CDH12: variants seen among roughly 807,000 people sequenced by gnomAD.
CDH12 encodes cadherin 12.
In CDH12, 41 loss-of-function variants were observed where a neutral mutation model predicts 74.1. That is an observed-to-expected ratio of 0.55 (90% CI 0.43 to 0.72). The LOEUF is 0.72. Ranked by LOEUF, CDH12 falls within the 30% of genes least tolerant of loss-of-function variation. The pLI, the probability that CDH12 is intolerant of heterozygous loss-of-function variation, is 0.00. For synonymous variants in CDH12, 399 were observed against 355.0 expected (o/e 1.12, Z -1.39); for missense variants, 945 against 977.2 (o/e 0.97, Z 0.44).
Position 21,867,446 on chromosome 5 carries a change from C to T in CDH12, c.527-12656G>A, listed in dbSNP as rs541256750. On this transcript the variant is annotated intron_variant, in intron 6 of 14. Coordinates refer to ENST00000382254, the MANE Select transcript of CDH12 (RefSeq NM_004061.5). Reference sequence around the variant, plus strand: ...GAAATGCCTGGATGTCTAGCCAGGGCGGGGCTGCCAAACACCAGGGCGGGG... The same window carrying T: ...GAAATGCCTGGATGTCTAGCCAGGGTGGGGCTGCCAAACACCAGGGCGGGG... 4.6e-5 allele frequency among the ~76,000 whole-genome samples: 7 copies of T among 152,158 alleles called. No individual in the cohort carries two copies. The South Asian group carries it at 1.0e-3, about 23-fold the overall frequency.
intron 3 of CDH12, among the ~76,000 whole-genome samples, chr5:22,315,556 G>A (rs1738597236): frequency 6.6e-6 from 1 of 152,108 alleles, no homozygotes. Flanking sequence ...GTGCTTGTGA[G>A]GCATTTACTC....
At chr5:22,404,486 C>T (rs1409864606) in intron 3 of CDH12, among the ~76,000 whole-genome samples, 1 of 152,060 alleles carries the variant, frequency 6.6e-6, no homozygotes, top group African/African-American at 2.4e-5. Flanking sequence ...TCTTAGCTAA[C>T]ATTCATAAAA....
chr5:22,169,463 C>T (rs1342791887), intron 4 of CDH12, among the ~76,000 whole-genome samples: 1 of 151,902 alleles, frequency 6.6e-6, no homozygotes, highest in Admixed American at 6.6e-5. Flanking sequence ...GTTATGCAGC[C>T]TAGTTAGACC....
At chr5:21,887,517 C>T (rs1260288594) in intron 6 of CDH12, among the ~76,000 whole-genome samples, 1 of 152,162 alleles carries the variant, frequency 6.6e-6, no homozygotes, top group Non-Finnish European at 1.5e-5. Flanking sequence ...TTTTTCATCC[C>T]AGTGTCCCAT....
intron 1 of CDH12, among the ~76,000 whole-genome samples, chr5:22,817,620 C>A (rs886933574): frequency 3.9e-5 from 6 of 152,062 alleles, no homozygotes; most frequent in Non-Finnish European, 8.8e-5. Context: ...ATCTTTGACT[C>A]TATTCAAAAA....
intron 4 of CDH12, among the ~76,000 whole-genome samples, chr5:22,100,855 A>T (rs991853060): frequency 6.6e-6 from 1 of 152,130 alleles, no homozygotes; most frequent in African/African-American, 2.4e-5. Flanking sequence ...TTTGAGAATT[A>T]TTCAATAATT....
intron 4 of CDH12, among the ~76,000 whole-genome samples, chr5:22,209,921 A>C (rs1349826288): frequency 6.6e-6 from 1 of 152,036 alleles, no homozygotes; most frequent in Non-Finnish European, 1.5e-5. Context: ...GCCAGATCTG[A>C]ATTTGAGTTA....
At chr5:22,740,636 T>C (rs1353396041) in intron 1 of CDH12, among the ~76,000 whole-genome samples, 1 of 152,088 alleles carries the variant, frequency 6.6e-6, no homozygotes, top group Non-Finnish European at 1.5e-5. Flanking sequence ...TTACAACTTA[T>C]TCTAAATGAG....
At chr5:22,261,445 A>G (rs1366146822) in intron 3 of CDH12, among the ~76,000 whole-genome samples, 1 of 151,970 alleles carries the variant, frequency 6.6e-6, no homozygotes, top group Non-Finnish European at 1.5e-5. Context: ...CAAAAGCATG[A>G]CCAGATCACA....
chr5:22,754,569 CAAA>C (rs72233503), intron 1 of CDH12, among the ~76,000 whole-genome samples: 14,259 of 131,980 alleles, frequency 0.11, 922 homozygotes, highest in African/African-American at 0.22. Flanking sequence ...GGAAAGCAGA[CAAA>C]AAAAAAAAAA....
At chr5:22,346,122 AAGG>A (rs1218002833) in intron 3 of CDH12, among the ~76,000 whole-genome samples, 1 of 151,406 alleles carries the variant, frequency 6.6e-6, no homozygotes, top group Non-Finnish European at 1.5e-5. Flanking sequence ...AAAAAAAAAA[AAGG>A]AGAATATGGA....
At chr5:21,818,757 G>A (rs1262184857) in intron 8 of CDH12, among the ~76,000 whole-genome samples, 1 of 151,770 alleles carries the variant, frequency 6.6e-6, no homozygotes, top group East Asian at 1.9e-4. Context: ...TTCAAAGAGG[G>A]TATGAGGAAT....
At chr5:22,037,577 T>C (rs1440244689) in intron 5 of CDH12, among the ~76,000 whole-genome samples, 1 of 152,164 alleles carries the variant, frequency 6.6e-6, no homozygotes, top group Non-Finnish European at 1.5e-5. Context: ...TACAGAACTG[T>C]AAGATATTAA....
At chr5:22,105,299 T>G (rs528529016) in intron 4 of CDH12, among the ~76,000 whole-genome samples, 2 of 151,506 alleles carry the variant, frequency 1.3e-5, no homozygotes, top group African/African-American at 2.4e-5. Flanking sequence ...TTCACCATGT[T>G]GGCCAGGATG....
At chr5:21,797,937 A>G (rs376330469) in intron 10 of CDH12, among the ~76,000 whole-genome samples, 14 of 152,144 alleles carry the variant, frequency 9.2e-5, no homozygotes, top group African/African-American at 2.9e-4. Flanking sequence ...ACAACATAGC[A>G]TGTTCTCTAC....
At chr5:22,680,700 A>G (rs1283206824) in intron 1 of CDH12, among the ~76,000 whole-genome samples, 2 of 152,010 alleles carry the variant, frequency 1.3e-5, no homozygotes, top group African/African-American at 2.4e-5. Flanking sequence ...TACAAAACAC[A>G]TTGGGCAGCC....
intron 5 of CDH12, among the ~76,000 whole-genome samples, chr5:22,058,764 AAGGAAGGG>A (rs1318969397): frequency 1.4e-5 from 2 of 144,464 alleles, no homozygotes; most frequent in Non-Finnish European, 3.0e-5. Context: ...GGAAGGAAGG[AAGGAAGGG>A]AGGGAGGGAG....
chr5:21,925,987 A>G (rs1184439142), intron 6 of CDH12, among the ~76,000 whole-genome samples: 1 of 152,114 alleles, frequency 6.6e-6, no homozygotes, highest in Non-Finnish European at 1.5e-5. Context: ...GGAGGATCTG[A>G]AGAAGTTTTA....
chr5:22,489,001 A>AT (rs1359704645), intron 2 of CDH12, among the ~76,000 whole-genome samples: 4 of 126,166 alleles, frequency 3.2e-5, no homozygotes, highest in Admixed American at 8.4e-5. Context: ...TATGACAGCC[A>AT]TTTTTTTTCT....
Sources: gnomAD v4.1 joint callset for allele counts (sites outside exome capture counted in the v4.1 genomes callset) on GRCh38, gnomAD v4.1.1 for gene constraint, MANE v1.5 for transcripts, NCBI Gene and HGNC (gene_info 2026-07-23, HGNC 2026-07-21) for gene names.